CFAP20DC: variants seen among roughly 807,000 people sequenced by gnomAD.
CFAP20DC encodes the protein CFAP20 domain containing, also known as protein CFAP20DC.
A neutral mutation model predicts 101.7 loss-of-function variants in CFAP20DC; 84 were observed. The observed-to-expected ratio is 0.83, with a 90% CI of 0.69 to 0.99. The LOEUF is 0.99. Ranked by LOEUF, CFAP20DC falls within the 50% of genes least tolerant of loss-of-function variation. CFAP20DC has a pLI of 0.00. For synonymous variants in CFAP20DC, 359 were observed against 351.2 expected (o/e 1.02, Z -0.25); for missense variants, 1,007 against 970.3 (o/e 1.04, Z -0.50).
downstream of CFAP20DC, among the ~76,000 whole-genome samples, chr3:58,738,641 A>G (rs2067812457): frequency 6.6e-6 from 1 of 152,222 alleles, no homozygotes; most frequent in African/African-American, 2.4e-5. This position sits in a 1 kb window ranked among gnomAD's most constrained non-coding sequence, Gnocchi z 4.4. Context: ...ATAGTGCTGC[A>G]ATGAACATAT....
chr3:58,815,281 G>C (rs1258250251), intron 14 of CFAP20DC, among the ~76,000 whole-genome samples: 1 of 150,466 alleles, frequency 6.6e-6, no homozygotes, highest in Non-Finnish European at 1.5e-5. Flanking sequence ...TTAATAAATG[G>C]TGCTGGGAAA....
At chr3:58,830,517 G>A (rs901199562) in intron 14 of CFAP20DC, among the ~76,000 whole-genome samples, 8 of 152,010 alleles carry the variant, frequency 5.3e-5, no homozygotes, top group Admixed American at 3.3e-4. Flanking sequence ...AGATTTCCAA[G>A]ATCTACAAAG....
chr3:58,985,228 A>G (rs771857490), intron 4 of CFAP20DC, among the ~76,000 whole-genome samples: 18 of 152,102 alleles, frequency 1.2e-4, no homozygotes, highest in Non-Finnish European at 7.4e-5. Context: ...GTGCTGGGCC[A>G]ATTGTGGTTC....
chr3:59,022,895 A>G (rs759589282), intron 4 of CFAP20DC, among the ~76,000 whole-genome samples: 1 of 152,084 alleles, frequency 6.6e-6, no homozygotes, highest in Non-Finnish European at 1.5e-5. Flanking sequence ...CCTTGAAAAC[A>G]TTTACTTGAA....
intron 4 of CFAP20DC, among the ~76,000 whole-genome samples, chr3:58,940,227 G>A (rs889604304): frequency 2.6e-5 from 4 of 152,188 alleles, no homozygotes; most frequent in Admixed American, 6.5e-5. Context: ...ACGTCAGGGA[G>A]ACAGCGATGA....
At chr3:58,782,637 C>T (rs2071944617) in intron 15 of CFAP20DC, among the ~76,000 whole-genome samples, 1 of 151,828 alleles carries the variant, frequency 6.6e-6, no homozygotes, top group Admixed American at 6.6e-5. Context: ...CAATAATGAA[C>T]TAGCTAAGAA....
rs2091417336 is a variant in CFAP20DC at position 58,964,852 on chromosome 3, A to T, written c.279-27090T>A. Among the ~76,000 whole-genome samples, 1 of 152,214 alleles carries T rather than the reference A, an allele frequency of 6.6e-6. No homozygotes were observed. Among genetic ancestry groups the T allele is most frequent in the South Asian group, 2.1e-4 (1 of 4,824 alleles). On this transcript the variant is annotated intron_variant, in intron 4 of 16. Transcript: ENST00000482387. The surrounding 1 kb of genome is among the most constrained non-coding windows in gnomAD (Gnocchi z 4.1). ...CTATTTTCTAAAGATAGGTTGCTGG[A>T]TGTAGACTTGCCTGTCCAAATGATA... is the stretch of plus-strand genomic sequence containing the variant.
At chr3:58,909,433 T>C (rs1191524938) in intron 6 of CFAP20DC, among the ~76,000 whole-genome samples, 2 of 152,256 alleles carry the variant, frequency 1.3e-5, no homozygotes, top group Non-Finnish European at 1.5e-5. Flanking sequence ...TGCTTTGTTT[T>C]GTTGTAGGTT....
At chr3:58,934,257 C>T (rs566606476) in intron 5 of CFAP20DC, among the ~76,000 whole-genome samples, 6 of 152,128 alleles carry the variant, frequency 3.9e-5, no homozygotes, top group African/African-American at 7.2e-5. Context: ...CAATAACAGG[C>T]TCTGAAATTG....
intron 5 of CFAP20DC, among the ~76,000 whole-genome samples, chr3:58,918,743 T>C (rs936596074): frequency 6.6e-6 from 1 of 152,124 alleles, no homozygotes; most frequent in Admixed American, 6.6e-5. Flanking sequence ...AGCCAAACTG[T>C]CTGGATTTAG....
At position 58,859,040 on chromosome 3, in the gene CFAP20DC, T is replaced by C. The variant is rs993179508; in HGVS notation, c.1593+4518A>G. 4.8e-4 allele frequency among the ~76,000 whole-genome samples: 73 copies of C among 152,240 alleles called. No individual in the cohort carries two copies. The Middle Eastern group carries it at 0.01, about 21-fold the overall frequency. Reference sequence around the variant, plus strand: ...AGTACTTGTGCTTCTACTTGAATTTTGTAGCAAATGATGAAAGTAATACAA... The same window carrying C: ...AGTACTTGTGCTTCTACTTGAATTTCGTAGCAAATGATGAAAGTAATACAA... On this transcript the variant is annotated intron_variant, in intron 12 of 16. Coordinates refer to ENST00000482387, the MANE Select transcript of CFAP20DC (RefSeq NM_001394063.1). The surrounding 1 kb of genome is among the most constrained non-coding windows in gnomAD (Gnocchi z 4.1).
chr3:58,733,157 C>T lies in CFAP20DC; in HGVS notation c.198-15529G>A, dbSNP rs550246769. ...GACCAGCCTGGCTAACATGGTGAAA[C>T]CCCGTGTCAACTAAAAATACAAAAA... On this transcript the variant is annotated intron_variant, in intron 3 of 3. Coordinates refer to the CFAP20DC transcript ENST00000486145. Among the ~76,000 whole-genome samples the T allele has an allele frequency of 9.2e-5, 14 of 152,142 alleles. No individual in the cohort carries two copies. The South Asian group carries it at 2.9e-3, about 32-fold the overall frequency.
intron 12 of CFAP20DC, among the ~76,000 whole-genome samples, chr3:58,855,602 T>C (rs892089081): frequency 6.6e-6 from 1 of 151,772 alleles, no homozygotes; most frequent in African/African-American, 2.4e-5. Context: ...CCAACAATGA[T>C]AGAATGGATT....
chr3:58,733,134 C>A (rs895175739), intron 3 of CFAP20DC, among the ~76,000 whole-genome samples: 2 of 152,088 alleles, frequency 1.3e-5, no homozygotes, highest in Non-Finnish European at 2.9e-5. Flanking sequence ...GTGTTTGAGA[C>A]CAGCCTGGCT....
At chr3:58,855,442 A>T (rs1267089063) in intron 12 of CFAP20DC, among the ~76,000 whole-genome samples, 1 of 152,132 alleles carries the variant, frequency 6.6e-6, no homozygotes, top group South Asian at 2.1e-4. Flanking sequence ...TTCCTCAGGG[A>T]TCTAGAACTA....
At position 58,795,990 on chromosome 3, in the gene CFAP20DC, C is replaced by T. The variant is rs552670827; in HGVS notation, c.2237+10405G>A. On this transcript the variant is annotated intron_variant, in intron 15 of 16. Coordinates refer to ENST00000482387, the MANE Select transcript of CFAP20DC (RefSeq NM_001394063.1). The surrounding 1 kb of genome is among the most constrained non-coding windows in gnomAD (Gnocchi z 4.2). ...ATGCTCAGGCAGGCGGGTCCAGACA[C>T]GAACATGGAGAGAGTGAAGACAAAT... 5.3e-5 allele frequency among the ~76,000 whole-genome samples: 8 copies of T among 151,904 alleles called. No individual in the cohort carries two copies. The highest frequency in any genetic ancestry group is 1.5e-4 in the African/African-American group (6 of 41,324).
At chr3:58,975,068 C>T (rs769184916) in intron 4 of CFAP20DC, among the ~76,000 whole-genome samples, 2 of 152,164 alleles carry the variant, frequency 1.3e-5, no homozygotes, top group Non-Finnish European at 2.9e-5. Context: ...GATTAATCAG[C>T]ATATGTGCCA....
downstream of CFAP20DC, among the ~76,000 whole-genome samples, chr3:58,716,950 C>G (rs1009355221): frequency 6.6e-6 from 1 of 152,170 alleles, no homozygotes; most frequent in Non-Finnish European, 1.5e-5. Flanking sequence ...GATGAAACAA[C>G]TTACCTTTTG....
intron 11 of CFAP20DC, among the ~76,000 whole-genome samples, chr3:58,865,344 T>C (rs1003990233): frequency 1.2e-4 from 18 of 152,314 alleles, no homozygotes; most frequent in African/African-American, 3.8e-4. Flanking sequence ...ATTGCCTTTA[T>C]CTGTTTCTTA....
Sources: gnomAD v4.1 joint callset for allele counts (sites outside exome capture counted in the v4.1 genomes callset) on GRCh38, gnomAD v4.1.1 for gene constraint, Gnocchi (gnomAD v3.1) non-coding constraint, MANE v1.5 for transcripts, NCBI Gene and HGNC (gene_info 2026-07-23, HGNC 2026-07-21) for gene names.